The following DNAH11 variants were observed in gnomAD, a reference collection of about 807,000 sequenced individuals.
DNAH11 encodes axonemal beta dynein heavy chain 11.
A neutral mutation model predicts 526.0 loss-of-function variants in DNAH11; 442 were observed. The observed-to-expected ratio is 0.84, with a 90% CI of 0.78 to 0.91. The LOEUF is 0.91. Ranked by LOEUF, DNAH11 falls within the 40% of genes least tolerant of loss-of-function variation. The pLI is 0.00. For synonymous variants in DNAH11, 2,461 were observed against 1,935.9 expected (o/e 1.27, Z -7.12); for missense variants, 6,989 against 5,448.7 (o/e 1.28, Z -8.90).
At chr7:21,589,763 G>A (rs777047695) in intron 12 of DNAH11, among the ~76,000 whole-genome samples, 8 of 152,102 alleles carry the variant, frequency 5.3e-5, no homozygotes, top group South Asian at 2.1e-4. Flanking sequence ...TGTCTTTGCC[G>A]GACAGTTTCT....
intron 28 of DNAH11, among the ~76,000 whole-genome samples, chr7:21,642,536 T>C (rs748030365): frequency 2.0e-5 from 3 of 152,128 alleles, no homozygotes; most frequent in Admixed American, 6.5e-5. Context: ...AGTCTTTCCG[T>C]CCATGCCTTT....
chr7:21,740,783 T>G (rs560771630), intron 48 of DNAH11, among the ~76,000 whole-genome samples: 5 of 152,304 alleles, frequency 3.3e-5, no homozygotes, highest in African/African-American at 1.2e-4. Flanking sequence ...ACTTTTAATT[T>G]TTTGAGGAAT....
At chr7:21,693,848 G>A (rs1208363349) in intron 35 of DNAH11, among the ~76,000 whole-genome samples, 1 of 152,140 alleles carries the variant, frequency 6.6e-6, no homozygotes, top group Non-Finnish European at 1.5e-5. Context: ...AGTTCCAGAG[G>A]CTGTACAGGA....
rs1285041921 is a variant in DNAH11, at chr7:21,885,059, ATTT to A, written c.12507+650_12507+652del. On this transcript the variant is annotated intron_variant, in intron 76 of 81. Coordinates refer to ENST00000409508, the MANE Select transcript of DNAH11 (RefSeq NM_001277115.2). Reference sequence around the variant, plus strand: ...TGCCCCATAAATATATATAATTATTATTTGTCAATTTAAAATAAAATTAAATCT... The same window carrying A: ...TGCCCCATAAATATATATAATTATTAGTCAATTTAAAATAAAATTAAATCT... 2.7e-5 allele frequency among the ~76,000 whole-genome samples: 4 copies of A among 147,924 alleles called. No homozygotes were observed. In the Admixed American group the frequency reaches 2.7e-4, roughly 10 times the overall value.
Position 21,749,783 on chromosome 7 carries a change from A to C in DNAH11, c.8779A>C (p.Asn2927His). ...AGATGAGAGCTTCCTCGTGCTGATT[A>C]ATGACTTGCTGGCATCAGGTGATTA... is the stretch of plus-strand genomic sequence containing the variant. ...VLDESFLVLI[N>H]DLLASGEIPD... Residue 2927 changes from asparagine to histidine, a missense_variant, in exon 53 of 82, where the codon AAT (asparagine) becomes CAT (histidine). Asn to His is a moderately conservative substitution (Grantham distance 68, BLOSUM62 1). Transcript: ENST00000409508. 6.2e-7 allele frequency: 1 copy of C among 1,613,904 alleles called. No homozygotes were observed. The highest frequency in any genetic ancestry group is 1.1e-5 in the South Asian group (1 of 91,058).
At chr7:21,870,765 C>T (rs879528110) in intron 73 of DNAH11, among the ~76,000 whole-genome samples, 2 of 152,190 alleles carry the variant, frequency 1.3e-5, no homozygotes, top group Non-Finnish European at 2.9e-5. Flanking sequence ...CAAGGATCTA[C>T]TTTTGGATAT....
In DNAH11 at chr7:21,564,242, C is replaced by A; in HGVS notation, c.1039C>A (p.Gln347Lys). 6.2e-7 allele frequency: 1 copy of A among 1,613,044 alleles called. No individual in the cohort carries two copies. Among genetic ancestry groups the A allele is most frequent in the Non-Finnish European group, 8.5e-7 (1 of 1,179,326 alleles). The change falls in exon 6 of 82, where the codon CAG becomes AAG. Residue 347 changes from glutamine (Q) to lysine (K), a missense_variant. By Grantham distance (53) the Gln-to-Lys change is moderately conservative. Coordinates refer to ENST00000409508, the MANE Select transcript of DNAH11 (RefSeq NM_001277115.2). ...LYLRPLRRHIQCLQETEFPQT... is the reference protein window; with the variant it reads ...LYLRPLRRHIKCLQETEFPQT... ...CCTGAGACCTCTGAGGAGACACATC[C>A]AGTGTCTCCAGGAGACGGAATTCCC...
At position 21,868,910 on chromosome 7, in the gene DNAH11, G is replaced by A; in HGVS notation, c.11886G>A (p.Val3962=). 2 of 1,614,014 alleles carry A rather than the reference G, an allele frequency of 1.2e-6. No individual in the cohort carries two copies. The highest frequency in any genetic ancestry group is 1.1e-5 in the South Asian group (1 of 91,088). ...FTIDSGKFHN[V]SLGQGQETVA... ...TTGACTCTGGAAAATTCCACAATGT[G>A]TCTTTAGGACAAGGTCAGGAGACGG... The change falls in exon 73 of 82, where the codon GTG becomes GTA. Residue 3962 remains valine, a synonymous_variant. Transcript: ENST00000409508.
At chr7:21,885,968 G>A (rs1301068837) in intron 76 of DNAH11, among the ~76,000 whole-genome samples, 1 of 152,156 alleles carries the variant, frequency 6.6e-6, no homozygotes, top group African/African-American at 2.4e-5. Context: ...GAGGGTGAGC[G>A]TGGTGGCTGT....
chr7:21,890,964 T>G (rs1784306002), intron 76 of DNAH11, among the ~76,000 whole-genome samples: 1 of 152,140 alleles, frequency 6.6e-6, no homozygotes, highest in Non-Finnish European at 1.5e-5. Flanking sequence ...TTAAATGCAC[T>G]TGGAATTCGC....
At chr7:21,861,757 T>C in intron 68 of DNAH11, 96 bp from the exon 69 acceptor site, 1 of 1,489,002 alleles carries the variant, frequency 6.7e-7, no homozygotes, top group Non-Finnish European at 9.1e-7. Context: ...TCTCACTCCC[T>C]ATAGATAAAC....
At chr7:21,580,799 C>T (rs974939210) in intron 8 of DNAH11, among the ~76,000 whole-genome samples, 1 of 152,150 alleles carries the variant, frequency 6.6e-6, no homozygotes, top group Non-Finnish European at 1.5e-5. Flanking sequence ...GTTAGGATTT[C>T]AAAATAAAAT....
chr7:21,714,937 T>A (rs1379720655), intron 42 of DNAH11, among the ~76,000 whole-genome samples: 10 of 152,226 alleles, frequency 6.6e-5, no homozygotes, highest in Non-Finnish European at 1.3e-4. Flanking sequence ...TTTCTTCTAT[T>A]ACTTGAGCTT....
At chr7:21,706,607 T>C (rs922645182) in intron 39 of DNAH11, among the ~76,000 whole-genome samples, 1 of 152,218 alleles carries the variant, frequency 6.6e-6, no homozygotes, top group Admixed American at 6.5e-5. Context: ...TTCTATACTT[T>C]CCAGTGGATT....
rs141498380 is a variant in DNAH11, at chr7:21,845,386, C to T, written c.10896+2638C>T. ...TGTATATTTTGAGTTAATTTTTGTA[C>T]GTGGTGTGAAGTAGGGGTGCACCTT... On this transcript the variant is annotated intron_variant, in intron 66 of 81. Transcript: ENST00000409508. 4.4e-3 allele frequency among the ~76,000 whole-genome samples: 675 copies of T among 151,932 alleles called. 5 individuals are homozygous for T. The highest frequency in any genetic ancestry group is 0.015 in the African/African-American group (632 of 41,444).
chr7:21,586,624 T>G (rs1784485777), intron 9 of DNAH11, among the ~76,000 whole-genome samples: 1 of 152,222 alleles, frequency 6.6e-6, no homozygotes, highest in South Asian at 2.1e-4. Flanking sequence ...GAAGCTGTTT[T>G]TTAAGTGAAA....
At chr7:21,591,632 G>A in intron 14 of DNAH11, 55 bp downstream of exon 14, 1 of 1,441,348 alleles carries the variant, frequency 6.9e-7, no homozygotes, top group Non-Finnish European at 9.1e-7. Flanking sequence ...GTTCAGAGAA[G>A]AGCAAAAATC....
rs546689973 is a variant in DNAH11, at chr7:21,601,342, A to G, written c.3426-54A>G. ...ATTCAATCAGAAGTCTTATACTGCT[A>G]AATGTTTTAATAAACTTAATTTGTG... On this transcript the variant is annotated intron_variant, in intron 17 of 81. Coordinates refer to ENST00000409508, the MANE Select transcript of DNAH11 (RefSeq NM_001277115.2). The G allele has an allele frequency of 1.2e-4, 189 of 1,533,664 alleles. 2 individuals are homozygous for G. Among genetic ancestry groups the G allele is most frequent in the South Asian group, 1.2e-3 (97 of 81,966 alleles).
chr7:21,642,482 T>A (rs1421170470), intron 28 of DNAH11, among the ~76,000 whole-genome samples: 2 of 152,162 alleles, frequency 1.3e-5, no homozygotes, highest in African/African-American at 2.4e-5. Context: ...CACACTCTCT[T>A]ACCCTCTTTT....
Sources: gnomAD v4.1 joint callset for allele counts (sites outside exome capture counted in the v4.1 genomes callset) on GRCh38, gnomAD v4.1.1 for gene constraint, MANE v1.5 for transcripts, NCBI Gene and HGNC (gene_info 2026-07-23, HGNC 2026-07-21) for gene names.